GIT2: variants seen among roughly 807,000 people sequenced by gnomAD.
GIT2 encodes the protein GIT ArfGAP 2.
Under a neutral mutation model 100.3 loss-of-function variants are expected in GIT2, and 32 were observed. That is an observed-to-expected ratio of 0.32 (90% CI 0.24 to 0.43). The LOEUF is 0.43. GIT2 is among the 20% of genes least tolerant of loss of function. GIT2 has a pLI of 1.00. For missense variants in GIT2, 737 were observed against 975.1 expected (o/e 0.76, Z 3.25); for synonymous variants, 353 against 364.1 (o/e 0.97, Z 0.35).
intron 7 of GIT2, among the ~76,000 whole-genome samples, chr12:109,971,814 G>A (rs1593082346): frequency 6.6e-6 from 1 of 151,616 alleles, no homozygotes; most frequent in Non-Finnish European, 1.5e-5. Context: ...CCAACATGGC[G>A]AAACCCTGTC....
Position 109,961,386 on chromosome 12 carries a change from G to A in GIT2, c.890-11C>T. On this transcript the variant is annotated splice_polypyrimidine_tract_variant and intron_variant, in intron 10 of 19. Coordinates refer to ENST00000355312, the MANE Select transcript of GIT2 (RefSeq NM_057169.5). Reference sequence around the variant, plus strand: ...GCGTGGCAAGCCAGACTAGTCAGAGGAAAGAGCCAGAGACAAACCTCATCA... The same window carrying A: ...GCGTGGCAAGCCAGACTAGTCAGAGAAAAGAGCCAGAGACAAACCTCATCA... The A allele has an allele frequency of 6.4e-7, 1 of 1,558,518 alleles. No individual in the cohort carries two copies. The highest frequency in any genetic ancestry group is 1.1e-5 in the South Asian group (1 of 89,954).
In GIT2 at chr12:109,933,200, A is replaced by C; in HGVS notation, c.2068-10T>G. ...TATCAGACTTGGGTTTCTAAAAGGA[A>C]AAAGACAGCCGTTTACCCTGAACTG... On this transcript the variant is annotated splice_polypyrimidine_tract_variant and intron_variant, in intron 19 of 19. Coordinates refer to ENST00000355312, the MANE Select transcript of GIT2 (RefSeq NM_057169.5). This position sits in a 1 kb window ranked among gnomAD's most constrained non-coding sequence, Gnocchi z 4.5. The C allele has an allele frequency of 6.7e-7, 1 of 1,487,276 alleles. No homozygotes were observed. Among genetic ancestry groups the C allele is most frequent in the Non-Finnish European group, 9.2e-7 (1 of 1,087,662 alleles). The allele number at this position is 1,487,276 out of a possible 1,614,324, so 92.1% of individuals were successfully genotyped here. A position where few individuals can be genotyped will look rare whatever the true frequency, so the allele number is the denominator to read the frequency against.
chr12:109,992,425 G>A (rs1888595622), intron 1 of GIT2, among the ~76,000 whole-genome samples: 2 of 152,088 alleles, frequency 1.3e-5, no homozygotes, highest in South Asian at 4.1e-4. Flanking sequence ...GAGATTACAG[G>A]CGTGAGCCAC....
At chr12:109,981,844 T>G (rs1376510224) in intron 6 of GIT2, 1 of 152,264 alleles carries the variant, frequency 6.6e-6, no homozygotes, top group Non-Finnish European at 1.5e-5. Context: ...GTTTTTGTCC[T>G]TAAAAGTAAT....
At chr12:109,943,714 CCTCA>C (rs1225345469) in intron 16 of GIT2, among the ~76,000 whole-genome samples, 1 of 147,524 alleles carries the variant, frequency 6.8e-6, no homozygotes, top group Non-Finnish European at 1.5e-5. Context: ...TGAGACAGGG[CCTCA>C]CTGTGTTGTC....
chr12:109,949,437 C>T (rs1877240781), intron 14 of GIT2, among the ~76,000 whole-genome samples: 1 of 152,196 alleles, frequency 6.6e-6, no homozygotes, highest in Non-Finnish European at 1.5e-5. Flanking sequence ...TGAATGTGTT[C>T]TCATGAGCAC....
At chr12:109,997,927 A>T (rs1444965469), upstream of GIT2, 1 of 152,242 alleles carries the variant, frequency 6.6e-6, no homozygotes, top group African/African-American at 2.4e-5. Context: ...TGTCTGTCTT[A>T]CATATAAACA....
intron 9 of GIT2, 99 bp from the exon 10 acceptor site, chr12:109,961,784 A>T: frequency 1.3e-6 from 1 of 756,484 alleles, no homozygotes; most frequent in Non-Finnish European, 2.4e-6. Flanking sequence ...CCTACGTCTT[A>T]TCCAATGCCA....
At chr12:109,964,180 T>C (rs926078556) in intron 9 of GIT2, among the ~76,000 whole-genome samples, 116 of 152,168 alleles carry the variant, frequency 7.6e-4, no homozygotes, top group Non-Finnish European at 1.4e-3. Flanking sequence ...ACACAATATT[T>C]AGTGCTATCT....
intron 14 of GIT2, chr12:109,950,762 C>A: frequency 6.1e-6 from 1 of 164,292 alleles, no homozygotes; most frequent in South Asian, 1.7e-4. Flanking sequence ...GATAGGGCTG[C>A]CAGGGTGGGA....
At position 109,933,275 on chromosome 12, in the gene GIT2, A is replaced by T; in HGVS notation, c.2068-85T>A. ...GACAAACATTCTTCTAAAGCAAACC[A>T]AGCTGCTCCCCAGAGTGAAAGGCGG... On this transcript the variant is annotated intron_variant, in intron 19 of 19. Coordinates refer to ENST00000355312, the MANE Select transcript of GIT2 (RefSeq NM_057169.5). The surrounding 1 kb of genome is among the most constrained non-coding windows in gnomAD (Gnocchi z 4.5). The T allele has an allele frequency of 1.2e-6, 1 of 801,394 alleles. No homozygotes were observed. Among genetic ancestry groups the T allele is most frequent in the South Asian group, 1.6e-5 (1 of 63,762 alleles). The allele number at this position is 801,394 out of a possible 1,614,324, so 49.6% of individuals were successfully genotyped here. A position where few individuals can be genotyped will look rare whatever the true frequency, so the allele number is the denominator to read the frequency against.
chr12:109,961,592 G>T, intron 10 of GIT2, 21 bp downstream of exon 10: 1 of 1,516,014 alleles, frequency 6.6e-7, no homozygotes, highest in Non-Finnish European at 9.2e-7. Context: ...AAGCTTATTA[G>T]ATAAAGCCAC....
chr12:109,947,528 G>T lies in GIT2; in HGVS notation c.1393-24C>A. ...AGCTGAAAGAAATGTTTGGCAGTGG[G>T]ACTGTGTTTTTTTACAGCAAGCAGA... On this transcript the variant is annotated intron_variant, in intron 14 of 19. Coordinates refer to ENST00000355312, the MANE Select transcript of GIT2 (RefSeq NM_057169.5). The surrounding 1 kb of genome is among the most constrained non-coding windows in gnomAD (Gnocchi z 4.3). 6.2e-7 allele frequency: 1 copy of T among 1,602,136 alleles called. No homozygotes were observed. The highest frequency in any genetic ancestry group is 1.7e-4 in the Middle Eastern group (1 of 5,994).
chr12:109,980,474 A>C (rs1399515894), intron 7 of GIT2, among the ~76,000 whole-genome samples: 1 of 152,166 alleles, frequency 6.6e-6, no homozygotes, highest in Non-Finnish European at 1.5e-5. Context: ...AACTTTGTTT[A>C]ATAAAACAAG....
chr12:109,937,309 T>A (rs2136149407), intron 18 of GIT2, among the ~76,000 whole-genome samples: 1 of 152,246 alleles, frequency 6.6e-6, no homozygotes, highest in South Asian at 2.1e-4. Flanking sequence ...CATGTTTGTG[T>A]GGAAGAAGAA....
intron 3 of GIT2, 35 bp from the exon 4 acceptor site, chr12:109,989,103 G>C (rs116847389): frequency 6.6e-6 from 8 of 1,215,376 alleles, no homozygotes; most frequent in Non-Finnish European, 9.8e-6. Flanking sequence ...CAGTTCACTC[G>C]TTCAGATACA....
chr12:109,949,209 G>GTTGT (rs1449392344), intron 14 of GIT2, among the ~76,000 whole-genome samples: 3 of 152,246 alleles, frequency 2.0e-5, no homozygotes, highest in Non-Finnish European at 4.4e-5. Context: ...AGACAGGCAT[G>GTTGT]AAGTGCCTGT....
chr12:109,947,566 CA>C lies in GIT2; in HGVS notation c.1393-63del. 6.8e-7 allele frequency: 1 copy of C among 1,474,332 alleles called. No individual in the cohort carries two copies. Among genetic ancestry groups the C allele is most frequent in the Non-Finnish European group, 9.3e-7 (1 of 1,069,910 alleles). The allele number at this position is 1,474,332 out of a possible 1,614,324, so 91.3% of individuals were successfully genotyped here. A position where few individuals can be genotyped will look rare whatever the true frequency, so the allele number is the denominator to read the frequency against. On this transcript the variant is annotated intron_variant, in intron 14 of 19. Transcript: ENST00000355312. The surrounding 1 kb of genome is among the most constrained non-coding windows in gnomAD (Gnocchi z 4.3). ...TACAGCAAGCAGAAAAAGCAAACAC[CA>C]AGTAAATGAATACAACTACCAGTTT...
intron 7 of GIT2, among the ~76,000 whole-genome samples, chr12:109,973,591 C>T (rs1246645972): frequency 1.3e-5 from 2 of 151,994 alleles, no homozygotes; most frequent in African/African-American, 2.4e-5. Flanking sequence ...ATTGATTTTT[C>T]GCTACTGTTT....
Sources: gnomAD v4.1 joint callset for allele counts (sites outside exome capture counted in the v4.1 genomes callset) on GRCh38, gnomAD v4.1.1 for gene constraint, Gnocchi (gnomAD v3.1) non-coding constraint, MANE v1.5 for transcripts, NCBI Gene and HGNC (gene_info 2026-07-23, HGNC 2026-07-21) for gene names.